The following NTRK3 variants were observed in gnomAD, a reference collection of about 807,000 sequenced individuals.
NTRK3 encodes neurotrophic receptor tyrosine kinase 3.
NTRK3 carries 24 observed loss-of-function variants against 91.7 expected under a neutral mutation model. The ratio of observed to expected loss-of-function variants is 0.26; its 90% CI spans 0.19 to 0.37. The LOEUF (loss-of-function observed/expected upper bound fraction) is 0.37. NTRK3 is among the 10% of genes least tolerant of loss of function. NTRK3 has a pLI of 1.00. For synonymous variants in NTRK3, 483 were observed against 404.0 expected, an observed-to-expected ratio of 1.20 and a Z score of -2.34; for missense variants, 880 against 1,068.9, an observed-to-expected ratio of 0.82 and a Z score of 2.46.
intron 13 of NTRK3, among the ~76,000 whole-genome samples, chr15:88,123,273 A>G (rs928265286): frequency 2.0e-5 from 3 of 152,216 alleles, no homozygotes; most frequent in African/African-American, 7.2e-5. Context: ...GGCACTGAGA[A>G]GGTAGTAACT....
chr15:88,176,437 T>C (rs1482444450), intron 5 of NTRK3, among the ~76,000 whole-genome samples: 1 of 152,190 alleles, frequency 6.6e-6, no homozygotes, highest in African/African-American at 2.4e-5. Flanking sequence ...GCCCGGCCCA[T>C]ATGTCCCTTC....
chr15:88,009,818 T>A (rs1024219688), intron 14 of NTRK3, among the ~76,000 whole-genome samples: 1 of 152,172 alleles, frequency 6.6e-6, no homozygotes, highest in Non-Finnish European at 1.5e-5. Flanking sequence ...TCCACTGCAG[T>A]GTTACAGGAG....
At chr15:87,998,478 T>A (rs542513105) in intron 14 of NTRK3, among the ~76,000 whole-genome samples, 2 of 152,234 alleles carry the variant, frequency 1.3e-5, no homozygotes, top group Non-Finnish European at 2.9e-5. Flanking sequence ...GTCTATACAG[T>A]GGCTGTTGTA....
At chr15:88,042,431 C>T (rs185531921) in intron 13 of NTRK3, among the ~76,000 whole-genome samples, 58 of 152,296 alleles carry the variant, frequency 3.8e-4, no homozygotes, top group African/African-American at 1.3e-3. Context: ...CTGCCTCCTC[C>T]GGCTTCCAGA....
intron 14 of NTRK3, among the ~76,000 whole-genome samples, chr15:87,956,120 T>C (rs555801475): frequency 3.3e-5 from 5 of 152,228 alleles, no homozygotes; most frequent in African/African-American, 1.2e-4. Flanking sequence ...CATTTCTTTG[T>C]GTATAAATGG....
exon 19 of NTRK3, chr15:87,865,841 AT>A (rs1214904581): frequency 3.9e-5 from 9 of 228,768 alleles, no homozygotes; most frequent in Admixed American, 2.8e-4. Context: ...GTCTCCTTGT[AT>A]TTTTTAGAGC....
At chr15:87,949,100 C>A (rs951485065) in intron 14 of NTRK3, among the ~76,000 whole-genome samples, 2 of 152,102 alleles carry the variant, frequency 1.3e-5, no homozygotes, top group African/African-American at 4.8e-5. Flanking sequence ...TTAAAACTCC[C>A]CCTGAAGCAC....
rs7178399 is a variant in NTRK3 at position 88,214,173 on chromosome 15, T to C, written c.249-29874A>G. Among the ~76,000 whole-genome samples the C allele has an allele frequency of 6.3e-3, 960 of 152,268 alleles. 14 individuals carry two copies. In the Middle Eastern group the frequency reaches 0.065, roughly 10 times the overall value. On this transcript the variant is annotated intron_variant, in intron 3 of 18. Coordinates refer to ENST00000394480, the Ensembl canonical transcript of NTRK3. ...TTCCCGGGGCTCCCATAACAAAGTA[T>C]CACAAACTGTGTGGCTTAAAACAAA...
exon 19 of NTRK3, chr15:87,863,577 C>T (rs1279438196): frequency 4.6e-6 from 1 of 215,854 alleles, no homozygotes; most frequent in Non-Finnish European, 9.2e-6. Context: ...CCTGAAGCAA[C>T]CCTAGTTTTC....
At chr15:88,238,584 C>G (rs540148356) in intron 3 of NTRK3, among the ~76,000 whole-genome samples, 16 of 152,298 alleles carry the variant, frequency 1.1e-4, no homozygotes, top group Admixed American at 4.6e-4. Flanking sequence ...ACGATTTTAT[C>G]TTTCTGTCTA....
rs527359852 is a variant in NTRK3, at chr15:88,243,465, C to A, written c.248+12441G>T. 1.3e-5 allele frequency among the ~76,000 whole-genome samples: 2 copies of A among 152,020 alleles called. No homozygotes were observed. Among genetic ancestry groups the A allele is most frequent in the East Asian group, 3.9e-4 (2 of 5,176 alleles). On this transcript the variant is annotated intron_variant, in intron 3 of 18. Coordinates refer to ENST00000394480, the Ensembl canonical transcript of NTRK3. The surrounding 1 kb of genome is among the most constrained non-coding windows in gnomAD (Gnocchi z 4.8). ...TGCTGAGAGGAGGCTGGAGTTTCTT[C>A]ACCAGTAAAGCCCAAAGCTTAGCAG... is the stretch of plus-strand genomic sequence containing the variant.
chr15:88,207,127 GCC>G (rs1209876482), intron 3 of NTRK3, among the ~76,000 whole-genome samples: 1 of 152,190 alleles, frequency 6.6e-6, no homozygotes, highest in Non-Finnish European at 1.5e-5. Context: ...TGCATCCCCA[GCC>G]CTCGGGCCAG....
chr15:88,067,054 G>T (rs571357245), intron 13 of NTRK3, among the ~76,000 whole-genome samples: 1 of 152,206 alleles, frequency 6.6e-6, no homozygotes, highest in East Asian at 1.9e-4. Context: ...TACTGACACA[G>T]TCCTCAATTA....
rs955529950 is a variant in NTRK3, at chr15:88,184,089, C to G, written c.323+136G>C. 4.1e-5 allele frequency: 35 copies of G among 845,604 alleles called. 2 individuals carry two copies. Among genetic ancestry groups the G allele is most frequent in the South Asian group, 3.4e-4 (23 of 67,684 alleles). 52.4% of individuals were successfully genotyped at this position (845,604 alleles called of 1,614,324 possible). A position where few individuals can be genotyped will look rare whatever the true frequency, so the allele number is the denominator to read the frequency against. On this transcript the variant is annotated intron_variant, in intron 4 of 18. Transcript: ENST00000394480. ...GTGTCCCCTAAGTGCATATTGCCAA[C>G]TCTACCAAAAGAAGACCTGGGGGAG... is the stretch of plus-strand genomic sequence containing the variant.
intron 13 of NTRK3, among the ~76,000 whole-genome samples, chr15:88,096,204 G>A (rs983188589): frequency 6.6e-6 from 1 of 151,990 alleles, no homozygotes; most frequent in Non-Finnish European, 1.5e-5. Flanking sequence ...TCCAGCATGG[G>A]ACAAAATCTT....
intron 16 of NTRK3, among the ~76,000 whole-genome samples, chr15:87,932,548 T>C (rs1449114568): frequency 1.3e-5 from 2 of 152,206 alleles, no homozygotes; most frequent in Non-Finnish European, 2.9e-5. Context: ...AATTGTAACC[T>C]TGGACCTTCT....
chr15:87,915,971 A>G (rs895636929), intron 17 of NTRK3, among the ~76,000 whole-genome samples: 2 of 152,218 alleles, frequency 1.3e-5, no homozygotes, highest in African/African-American at 2.4e-5. Context: ...CTCTTGGGCT[A>G]TCAACTTTCC....
chr15:87,937,538 A>G (rs764672812), intron 15 of NTRK3, among the ~76,000 whole-genome samples: 2 of 152,314 alleles, frequency 1.3e-5, no homozygotes, highest in Admixed American at 1.3e-4. Flanking sequence ...ACTCAAAACA[A>G]AAACCAAAAC....
intron 14 of NTRK3, among the ~76,000 whole-genome samples, chr15:88,019,881 G>T (rs1017942076): frequency 6.6e-6 from 1 of 152,182 alleles, no homozygotes; most frequent in African/African-American, 2.4e-5. Context: ...TGTACTTTCA[G>T]TCAAAAGGAT....
Sources: gnomAD v4.1 joint callset for allele counts (sites outside exome capture counted in the v4.1 genomes callset) on GRCh38, gnomAD v4.1.1 for gene constraint, Gnocchi (gnomAD v3.1) non-coding constraint, MANE v1.5 for transcripts, NCBI Gene and HGNC (gene_info 2026-07-23, HGNC 2026-07-21) for gene names.